The following ZNF540 variants were observed in gnomAD, a reference collection of about 807,000 sequenced individuals.
The protein encoded by ZNF540 is CTD-3064H18.6.
In ZNF540, 3 loss-of-function variants were observed where a neutral mutation model predicts 11.8. The observed-to-expected ratio is 0.25, with a 90% confidence interval of 0.12 to 0.65. ZNF540 has a LOEUF of 0.65. Ranked by LOEUF, ZNF540 falls within the 30% of genes least tolerant of loss-of-function variation. The pLI is 0.83. For synonymous variants in ZNF540, 247 were observed against 259.0 expected, an observed-to-expected ratio of 0.95 and a Z score of 0.45; for missense variants, 709 against 793.1, an observed-to-expected ratio of 0.89 and a Z score of 1.27.
At chr19:37,567,168 T>C (rs1345760632) in intron 1 of ZNF540, among the ~76,000 whole-genome samples, 1 of 152,236 alleles carries the variant, frequency 6.6e-6, no homozygotes, top group Admixed American at 6.5e-5. Context: ...TATTGCATTT[T>C]TCACTAATGG....
intron 1 of ZNF540, among the ~76,000 whole-genome samples, chr19:37,581,466 C>CT (rs1226046583): frequency 0.054 from 7,526 of 138,638 alleles, 329 homozygotes; most frequent in African/African-American, 0.12. Context: ...TTCTTTCTTT[C>CT]TTTTTTTTTT....
chr19:37,555,194 C>G (rs992411851), intron 1 of ZNF540: 2 of 152,138 alleles, frequency 1.3e-5, no homozygotes, highest in African/African-American at 4.8e-5. Flanking sequence ...CTGTCTGGCT[C>G]TCTTAGCTAA....
At chr19:37,591,857 T>G (rs777279291), upstream of ZNF540, among the ~76,000 whole-genome samples, 8 of 152,180 alleles carry the variant, frequency 5.3e-5, no homozygotes, top group Non-Finnish European at 8.8e-5. Context: ...AACCGTATTT[T>G]AAGATAACCA....
chr19:37,569,747 G>C lies in ZNF540; in HGVS notation c.-73+18082G>C, dbSNP rs1413642339. Reference sequence around the variant, plus strand: ...TCTCTCAATACCTCATACAAACCAAGCTCCATCCTCCTATGGCCTGCAGTA... The same window carrying C: ...TCTCTCAATACCTCATACAAACCAACCTCCATCCTCCTATGGCCTGCAGTA... On this transcript the variant is annotated intron_variant, in intron 1 of 4. Coordinates refer to the ZNF540 transcript ENST00000592533. The surrounding 1 kb of genome is among the most constrained non-coding windows in gnomAD (Gnocchi z 4.4). 1 of 152,200 alleles carries C rather than the reference G, an allele frequency of 6.6e-6. No individual in the cohort carries two copies. The highest frequency in any genetic ancestry group is 1.5e-5 in the Non-Finnish European group (1 of 68,118). The allele number at this position is 152,200 out of a possible 1,614,324, so 9.4% of individuals were successfully genotyped here. A position where few individuals can be genotyped will look rare whatever the true frequency, so the allele number is the denominator to read the frequency against.
At chr19:37,559,524 C>T (rs946608566) in intron 1 of ZNF540, among the ~76,000 whole-genome samples, 1 of 152,128 alleles carries the variant, frequency 6.6e-6, no homozygotes, top group Non-Finnish European at 1.5e-5. Context: ...ATTCTGCAGG[C>T]ATTTTGAAAA....
At chr19:37,571,032 CAA>C (rs2043031769) in intron 1 of ZNF540, among the ~76,000 whole-genome samples, 1 of 152,116 alleles carries the variant, frequency 6.6e-6, no homozygotes, top group African/African-American at 2.4e-5. Flanking sequence ...ATAATTATAA[CAA>C]ATTCTATTTG....
upstream of ZNF540, among the ~76,000 whole-genome samples, chr19:37,590,654 GCAAA>G (rs948426985): frequency 6.6e-6 from 1 of 152,072 alleles, no homozygotes; most frequent in African/African-American, 2.4e-5. Context: ...GAGAGAATTA[GCAAA>G]CAAAAAAGCA....
Position 37,613,110 on chromosome 19 carries a change from A to T in ZNF540, c.1830A>T (p.Lys610Asn). Residue 610 changes from lysine to asparagine, a missense_variant, in exon 5 of 5, where the codon AAA becomes AAT. By Grantham distance (94) the Lys-to-Asn change is moderately conservative. Coordinates refer to ENST00000316433, the MANE Select transcript of ZNF540 (RefSeq NM_001172225.3). ...IHTGEKPYECKQCGKAFRLNS... is the reference protein window; with the variant it reads ...IHTGEKPYECNQCGKAFRLNS... ...CTGGTGAGAAACCCTATGAGTGTAA[A>T]CAATGTGGGAAGGCCTTTAGACTTA... The T allele has an allele frequency of 6.2e-7, 1 of 1,614,016 alleles. No individual in the cohort carries two copies. Among genetic ancestry groups the T allele is most frequent in the Non-Finnish European group, 8.5e-7 (1 of 1,179,968 alleles).
rs59178044 is a variant in ZNF540 at position 37,584,778 on chromosome 19, C to T, written c.-72-13598C>T. On this transcript the variant is annotated intron_variant, in intron 1 of 4. Transcript: ENST00000592533. ...GAGATCGAGACCATCCTGGCTAACA[C>T]GGTGAAACCCCGTCTCTACTAAAAA... Among the ~76,000 whole-genome samples the T allele has an allele frequency of 5.9e-3, 901 of 151,894 alleles. 10 individuals carry two copies. The highest frequency in any genetic ancestry group is 0.02 in the African/African-American group (849 of 41,440).
In ZNF540 at chr19:37,600,974, T is replaced by C. The variant is rs565849991; in HGVS notation, c.137-36T>C. On this transcript the variant is annotated intron_variant, in intron 3 of 4. Transcript: ENST00000316433. Reference sequence around the variant, plus strand: ...ATGTTTCTGAATGTGCAATGTTTTATTTCTATATATTCTTTTATTTCTTTC... The same window carrying C: ...ATGTTTCTGAATGTGCAATGTTTTACTTCTATATATTCTTTTATTTCTTTC... 1.5e-5 allele frequency: 23 copies of C among 1,501,556 alleles called. No individual in the cohort carries two copies. In the East Asian group the frequency reaches 5.4e-4, roughly 35 times the overall value. The allele number at this position is 1,501,556 out of a possible 1,614,324, so 93.0% of individuals were successfully genotyped here.
chr19:37,578,993 T>C (rs1278840477), intron 1 of ZNF540, among the ~76,000 whole-genome samples: 1 of 151,436 alleles, frequency 6.6e-6, no homozygotes, highest in African/African-American at 2.4e-5. Context: ...TCAGTCTCCA[T>C]TGCAGGAGTC....
At chr19:37,557,607 C>T (rs1306004502) in intron 1 of ZNF540, among the ~76,000 whole-genome samples, 1 of 152,186 alleles carries the variant, frequency 6.6e-6, no homozygotes, top group Non-Finnish European at 1.5e-5. Flanking sequence ...CGGTGGCGTC[C>T]GCCTTCTCTA....
rs1600451077 is a variant in ZNF540, at chr19:37,564,388, C to T, written c.-73+12723C>T. ...AGGATATGGTGAAATGGAGATGATG[C>T]TTAATAAAGGATATAATTCAGCATT... On this transcript the variant is annotated intron_variant, in intron 1 of 4. Coordinates refer to the ZNF540 transcript ENST00000592533. The T allele has an allele frequency of 1.0e-5, 4 of 394,612 alleles. No individual in the cohort carries two copies. The Admixed American group carries it at 1.3e-4, about 12-fold the overall frequency. 24.4% of individuals were successfully genotyped at this position (394,612 alleles called of 1,614,324 possible).
At chr19:37,578,078 A>G (rs914409684) in intron 1 of ZNF540, among the ~76,000 whole-genome samples, 1 of 152,136 alleles carries the variant, frequency 6.6e-6, no homozygotes, top group African/African-American at 2.4e-5. Context: ...CGGGCTCCTT[A>G]TGAGAATCTA....
chr19:37,610,812 T>C (rs2147234397), intron 4 of ZNF540, among the ~76,000 whole-genome samples: 1 of 152,260 alleles, frequency 6.6e-6, no homozygotes, highest in Non-Finnish European at 1.5e-5. Flanking sequence ...TAAGTGGAGA[T>C]TCTCAAACTT....
At chr19:37,611,014 C>T (rs2044123675) in intron 4 of ZNF540, 1 of 147,032 alleles carries the variant, frequency 6.8e-6, no homozygotes, top group Admixed American at 6.8e-5. Context: ...TCACCACAAT[C>T]TTATATAATC....
At chr19:37,567,917 A>C (rs1044571089) in intron 1 of ZNF540, among the ~76,000 whole-genome samples, 1 of 152,184 alleles carries the variant, frequency 6.6e-6, no homozygotes, top group Non-Finnish European at 1.5e-5. Context: ...TATACATATA[A>C]TGTTTTATTC....
chr19:37,599,014 T>C (rs2044017814), intron 2 of ZNF540, among the ~76,000 whole-genome samples: 1 of 152,074 alleles, frequency 6.6e-6, no homozygotes, highest in Admixed American at 6.6e-5. Flanking sequence ...AAAAAGAAGG[T>C]GTGTAGTACT....
At chr19:37,590,803 A>G (rs1159250136), upstream of ZNF540, among the ~76,000 whole-genome samples, 1 of 152,164 alleles carries the variant, frequency 6.6e-6, no homozygotes, top group African/African-American at 2.4e-5. Context: ...CTGATTTTTA[A>G]TTAAGAGACT....
Sources: gnomAD v4.1 joint callset for allele counts (sites outside exome capture counted in the v4.1 genomes callset) on GRCh38, gnomAD v4.1.1 for gene constraint, Gnocchi (gnomAD v3.1) non-coding constraint, MANE v1.5 for transcripts, NCBI Gene and HGNC (gene_info 2026-07-23, HGNC 2026-07-21) for gene names.